Variants in SORBS2 observed in about 807,000 individuals in gnomAD.
The protein encoded by SORBS2 is sorbin and SH3 domain containing 2.
SORBS2 carries 46 observed loss-of-function variants against 97.7 expected under a neutral mutation model. That is an observed-to-expected ratio of 0.47 (90% CI 0.37 to 0.60). The LOEUF (loss-of-function observed/expected upper bound fraction) is 0.60. Ranked by LOEUF, SORBS2 falls within the 20% of genes least tolerant of loss-of-function variation. SORBS2 has a pLI of 0.00. For synonymous variants in SORBS2, 476 were observed against 473.4 expected, an observed-to-expected ratio of 1.01 and a Z score of -0.07; for missense variants, 1,316 against 1,282.3, an observed-to-expected ratio of 1.03 and a Z score of -0.40.
At chr4:185,870,572 G>A (rs2648109) in intron 1 of SORBS2, among the ~76,000 whole-genome samples, 4 of 151,778 alleles carry the variant, frequency 2.6e-5, no homozygotes, top group Admixed American at 1.3e-4. Context: ...TGCCCAGCTC[G>A]TGTCTGAGGT....
At chr4:185,827,234 TCACCATCAC>T (rs1182836590) in intron 1 of SORBS2, among the ~76,000 whole-genome samples, 33 of 56,552 alleles carry the variant, frequency 5.8e-4, no homozygotes, top group Admixed American at 1.2e-3. Flanking sequence ...ATCATCATCA[TCACCATCAC>T]CACCATCATC....
intron 1 of SORBS2, among the ~76,000 whole-genome samples, chr4:185,807,896 A>G (rs1416416276): frequency 2.0e-5 from 3 of 152,196 alleles, no homozygotes; most frequent in Non-Finnish European, 4.4e-5. Flanking sequence ...AGTGCAACTC[A>G]TTTCATTATG....
intron 9 of SORBS2, among the ~76,000 whole-genome samples, chr4:185,616,605 ACT>A (rs1450535034): frequency 2.0e-5 from 3 of 151,730 alleles, no homozygotes; most frequent in South Asian, 2.1e-4. Context: ...TATGAAAAAG[ACT>A]CTTTTGTATT....
chr4:185,932,074 T>C (rs2099266786), intron 1 of SORBS2, among the ~76,000 whole-genome samples: 1 of 151,508 alleles, frequency 6.6e-6, no homozygotes, highest in African/African-American at 2.4e-5. Flanking sequence ...TATTATATAT[T>C]TATTTATATA....
At chr4:185,659,589 T>G (rs573864253), upstream of SORBS2, among the ~76,000 whole-genome samples, 1 of 151,728 alleles carries the variant, frequency 6.6e-6, no homozygotes, top group East Asian at 2.0e-4. Context: ...GCTAATTTTT[T>G]TTTTTGTATT....
intron 1 of SORBS2, among the ~76,000 whole-genome samples, chr4:185,905,619 T>C (rs1019960185): frequency 2.6e-5 from 4 of 152,214 alleles, no homozygotes; most frequent in African/African-American, 7.2e-5. Context: ...CTTCTCTCTC[T>C]TTAATACATT....
chr4:185,597,425 A>G lies in SORBS2; in HGVS notation c.2797-3490T>C, dbSNP rs549404734. 9.6e-4 allele frequency among the ~76,000 whole-genome samples: 145 copies of G among 151,790 alleles called. 1 individual carries two copies. In the Middle Eastern group the frequency reaches 0.017, roughly 18 times the overall value. ...TAATTCTCATGTGTCTCGGTCACGT[A>G]AAAAAAAATAATGGTTACAATTCAA... On this transcript the variant is annotated intron_variant, in intron 12 of 14. Coordinates refer to ENST00000418609, the Ensembl canonical transcript of SORBS2.
chr4:185,661,827 C>T (rs1052812611), upstream of SORBS2, among the ~76,000 whole-genome samples: 7 of 152,190 alleles, frequency 4.6e-5, no homozygotes, highest in African/African-American at 1.7e-4. Flanking sequence ...TGGCACAAAC[C>T]CCCTTGCCCT....
At chr4:185,868,899 A>C (rs916816717) in intron 1 of SORBS2, among the ~76,000 whole-genome samples, 4 of 152,262 alleles carry the variant, frequency 2.6e-5, no homozygotes, top group African/African-American at 9.6e-5. Context: ...ATTCCACTTT[A>C]AATACAGGGT....
At chr4:185,822,053 T>C (rs1292901510) in intron 1 of SORBS2, among the ~76,000 whole-genome samples, 3 of 152,244 alleles carry the variant, frequency 2.0e-5, no homozygotes. Flanking sequence ...AGTCTTATTA[T>C]TATTTGTTGG....
intron 1 of SORBS2, among the ~76,000 whole-genome samples, chr4:185,840,993 A>G (rs1289746050): frequency 6.6e-6 from 1 of 152,226 alleles, no homozygotes; most frequent in Non-Finnish European, 1.5e-5. Flanking sequence ...CACCTGAGCC[A>G]TGTCTTAAAA....
At chr4:185,915,994 C>T (rs754826211) in intron 1 of SORBS2, among the ~76,000 whole-genome samples, 32 of 152,052 alleles carry the variant, frequency 2.1e-4, no homozygotes, top group African/African-American at 4.1e-4. Context: ...TGGTCATCAA[C>T]GATCTGTATG....
At chr4:185,829,306 T>G (rs979430859) in intron 1 of SORBS2, among the ~76,000 whole-genome samples, 1 of 152,220 alleles carries the variant, frequency 6.6e-6, no homozygotes, top group Admixed American at 6.5e-5. Flanking sequence ...AGCCATATCT[T>G]CCCTATCCTT....
chr4:185,872,341 G>A (rs2099230851), intron 1 of SORBS2, among the ~76,000 whole-genome samples: 2 of 152,124 alleles, frequency 1.3e-5, no homozygotes, highest in East Asian at 1.9e-4. Context: ...CTTATTAGAG[G>A]TGTGACCCTG....
chr4:185,838,843 C>A (rs905790937), intron 1 of SORBS2, among the ~76,000 whole-genome samples: 1 of 152,204 alleles, frequency 6.6e-6, no homozygotes, highest in Non-Finnish European at 1.5e-5. Context: ...AACCTCCTGT[C>A]TCTGATAGCA....
chr4:185,659,991 A>G (rs968592271), upstream of SORBS2, among the ~76,000 whole-genome samples: 1 of 152,206 alleles, frequency 6.6e-6, no homozygotes, highest in Admixed American at 6.5e-5. Flanking sequence ...ACTAGCTGTC[A>G]TCTTAGCAAT....
chr4:185,718,115 C>T (rs1383455368), intron 2 of SORBS2, among the ~76,000 whole-genome samples: 1 of 152,070 alleles, frequency 6.6e-6, no homozygotes, highest in Non-Finnish European at 1.5e-5. Context: ...CCTATAATCC[C>T]AGCTACTCGG....
chr4:185,815,120 T>C (rs547330178), intron 1 of SORBS2, among the ~76,000 whole-genome samples: 1 of 152,326 alleles, frequency 6.6e-6, no homozygotes, highest in African/African-American at 2.4e-5. Flanking sequence ...CTTGGCATTA[T>C]CTAGTTTTAA....
chr4:185,809,777 G>C (rs1212928050), intron 1 of SORBS2, among the ~76,000 whole-genome samples: 1 of 152,148 alleles, frequency 6.6e-6, no homozygotes, highest in Non-Finnish European at 1.5e-5. Flanking sequence ...CCTCCCGTGG[G>C]CTAAGGGTCT....
Sources: gnomAD v4.1 joint callset for allele counts (sites outside exome capture counted in the v4.1 genomes callset) on GRCh38, gnomAD v4.1.1 for gene constraint, MANE v1.5 for transcripts, NCBI Gene and HGNC (gene_info 2026-07-23, HGNC 2026-07-21) for gene names.